RAD51B: variants seen among roughly 807,000 people sequenced by gnomAD.
RAD51B encodes RAD51 paralog B.
A neutral mutation model predicts 42.2 loss-of-function variants in RAD51B; 38 were observed. That is an observed-to-expected ratio of 0.90 (90% confidence interval 0.70 to 1.18). The LOEUF is 1.18. Ranked by LOEUF, RAD51B falls within the 50% of genes most tolerant of loss-of-function variation. The probability of loss-of-function intolerance (pLI) is 0.00; values close to 1 mark genes in which losing one functional copy is unlikely to be tolerated. For missense variants in RAD51B, 373 were observed against 400.7 expected (o/e 0.93, Z 0.59); for synonymous variants, 154 against 145.2 (o/e 1.06, Z -0.43).
At chr14:68,075,759 G>A (rs1831119702) in intron 7 of RAD51B, among the ~76,000 whole-genome samples, 1 of 152,152 alleles carries the variant, frequency 6.6e-6, no homozygotes, top group Non-Finnish European at 1.5e-5. Context: ...GGCGCTGCCT[G>A]GTAAAGAGGA....
At chr14:68,233,593 G>A (rs1275619140) in intron 7 of RAD51B, among the ~76,000 whole-genome samples, 1 of 152,214 alleles carries the variant, frequency 6.6e-6, no homozygotes, top group Admixed American at 6.5e-5. Flanking sequence ...CAGACCTGAA[G>A]TTTTATGTTG....
At chr14:68,349,484 A>G (rs899635162) in intron 8 of RAD51B, among the ~76,000 whole-genome samples, 2 of 151,854 alleles carry the variant, frequency 1.3e-5, no homozygotes, top group Non-Finnish European at 2.9e-5. Context: ...CTTCTGCCTC[A>G]CCCTCTCTAG....
chr14:68,322,598 G>A (rs1334251606), intron 8 of RAD51B, among the ~76,000 whole-genome samples: 1 of 152,226 alleles, frequency 6.6e-6, no homozygotes, highest in African/African-American at 2.4e-5. Context: ...CTCTATCCAT[G>A]TGTTTTGATT....
intron 10 of RAD51B, among the ~76,000 whole-genome samples, chr14:68,550,688 G>A (rs892854289): frequency 1.3e-5 from 2 of 152,116 alleles, no homozygotes; most frequent in Admixed American, 1.3e-4. Flanking sequence ...TCCTTCATAT[G>A]CAATATGGAA....
At chr14:68,112,181 G>A (rs982372440) in intron 7 of RAD51B, among the ~76,000 whole-genome samples, 1 of 152,052 alleles carries the variant, frequency 6.6e-6, no homozygotes, top group South Asian at 2.1e-4. Flanking sequence ...AGTGTTCAGA[G>A]TTAGGAGTCC....
chr14:68,162,779 C>T (rs1349825552), intron 7 of RAD51B, among the ~76,000 whole-genome samples: 3 of 151,888 alleles, frequency 2.0e-5, no homozygotes, highest in African/African-American at 7.3e-5. Context: ...AGCGAGAATC[C>T]GTCTCAAAAA....
chr14:68,418,239 A>T (rs1459666701), intron 9 of RAD51B, among the ~76,000 whole-genome samples: 1 of 152,244 alleles, frequency 6.6e-6, no homozygotes, highest in African/African-American at 2.4e-5. Flanking sequence ...ATCTAGAAGG[A>T]AGAATACATG....
exon 11 of RAD51B, chr14:68,595,393 C>T (rs1393998608): frequency 2.8e-6 from 3 of 1,066,444 alleles, no homozygotes; most frequent in Non-Finnish European, 3.4e-6. Flanking sequence ...TGAAATAATG[C>T]ATCCATGAAC....
chr14:67,885,473 T>G (rs1410388368), intron 5 of RAD51B, among the ~76,000 whole-genome samples: 1 of 152,224 alleles, frequency 6.6e-6, no homozygotes, highest in Non-Finnish European at 1.5e-5. Context: ...TGATATCTAT[T>G]ATAATACAAT....
intron 10 of RAD51B, among the ~76,000 whole-genome samples, chr14:68,485,137 A>G (rs1351752351): frequency 6.6e-6 from 1 of 152,186 alleles, no homozygotes; most frequent in African/African-American, 2.4e-5. Flanking sequence ...GGGCTGTGAG[A>G]GGGCAAGACA....
intron 7 of RAD51B, among the ~76,000 whole-genome samples, chr14:68,245,652 G>A (rs945885290): frequency 1.3e-5 from 2 of 152,198 alleles, no homozygotes; most frequent in African/African-American, 2.4e-5. Context: ...GACTTTAGAC[G>A]CATATCCCTA....
At chr14:68,032,186 T>G (rs891069977) in intron 7 of RAD51B, among the ~76,000 whole-genome samples, 2 of 152,216 alleles carry the variant, frequency 1.3e-5, no homozygotes, top group African/African-American at 4.8e-5. Context: ...TTTAAAGTGC[T>G]AAGCATAGCA....
At chr14:68,409,667 C>T (rs1287808152) in intron 8 of RAD51B, among the ~76,000 whole-genome samples, 1 of 152,106 alleles carries the variant, frequency 6.6e-6, no homozygotes, top group Non-Finnish European at 1.5e-5. Flanking sequence ...TCATGGGAGA[C>T]CATCCAGTGA....
At chr14:68,351,474 C>A (rs1255338063) in intron 8 of RAD51B, among the ~76,000 whole-genome samples, 1 of 152,018 alleles carries the variant, frequency 6.6e-6, no homozygotes, top group Non-Finnish European at 1.5e-5. Context: ...AGCTTACAGT[C>A]TAGAGGAGGA....
chr14:68,198,370 G>T (rs2079416775), intron 7 of RAD51B, among the ~76,000 whole-genome samples: 1 of 152,132 alleles, frequency 6.6e-6, no homozygotes, highest in Admixed American at 6.6e-5. Context: ...ATATCAGGTA[G>T]TGCGAGTTCT....
At chr14:68,618,749 A>G (rs987395218) in intron 10 of RAD51B, among the ~76,000 whole-genome samples, 1 of 152,112 alleles carries the variant, frequency 6.6e-6, no homozygotes, top group African/African-American at 2.4e-5. Context: ...AGCCCTGACA[A>G]CTTGAGCCTA....
In RAD51B at chr14:67,974,575, G is replaced by A. The variant is rs556423621; in HGVS notation, c.756+87371G>A. On this transcript the variant is annotated intron_variant, in intron 7 of 10. Transcript: ENST00000471583. ...TTCAAAGCTTTTTCTTTTGTCATAA[G>A]GAGGGTATAGGCCTAAAGTTAGGGT... is the stretch of plus-strand genomic sequence containing the variant. Among the ~76,000 whole-genome samples, 4 of 152,172 alleles carry A rather than the reference G, an allele frequency of 2.6e-5. No individual in the cohort carries two copies. The East Asian group carries it at 7.7e-4, about 29-fold the overall frequency.
intron 5 of RAD51B, among the ~76,000 whole-genome samples, chr14:67,871,490 C>T (rs1054593890): frequency 1.3e-5 from 2 of 152,162 alleles, no homozygotes; most frequent in Non-Finnish European, 2.9e-5. Context: ...GGATTCACAG[C>T]CGAATTCTAC....
At chr14:68,195,925 AC>A (rs55649907) in intron 7 of RAD51B, among the ~76,000 whole-genome samples, 95,498 of 124,424 alleles carry the variant, frequency 0.77, 36,643 homozygotes, top group East Asian at 0.93. Context: ...AAAAAAAAAA[AC>A]AACAATTAGG....
Sources: gnomAD v4.1 joint callset for allele counts (sites outside exome capture counted in the v4.1 genomes callset) on GRCh38, gnomAD v4.1.1 for gene constraint, MANE v1.5 for transcripts, NCBI Gene and HGNC (gene_info 2026-07-23, HGNC 2026-07-21) for gene names.